CDH13: variants seen among roughly 807,000 people sequenced by gnomAD.
The protein encoded by CDH13 is cadherin-13.
A neutral mutation model predicts 63.8 loss-of-function variants in CDH13; 24 were observed. The ratio of observed to expected loss-of-function variants is 0.38; its 90% CI spans 0.27 to 0.53. The LOEUF (loss-of-function observed/expected upper bound fraction) is 0.53, where lower values mean the gene tolerates loss of function less well. Among genes scored for constraint, CDH13 ranks in the 20% least tolerant of loss-of-function variants. CDH13 has a pLI of 0.85. For missense variants in CDH13, 1,049 were observed against 903.1 expected, an observed-to-expected ratio of 1.16 and a Z score of -2.07; for synonymous variants, 503 against 355.3, an observed-to-expected ratio of 1.42 and a Z score of -4.67.
chr16:83,565,879 T>C (rs1904276706), intron 7 of CDH13, among the ~76,000 whole-genome samples: 1 of 152,252 alleles, frequency 6.6e-6, no homozygotes, highest in African/African-American at 2.4e-5. Flanking sequence ...TATTCTTTTC[T>C]GGCTTATGAC....
At chr16:83,689,302 C>G (rs776606374) in intron 10 of CDH13, among the ~76,000 whole-genome samples, 1 of 151,566 alleles carries the variant, frequency 6.6e-6, no homozygotes, top group Non-Finnish European at 1.5e-5. Flanking sequence ...TTTTAATAAA[C>G]CCATTTGAAA....
intron 8 of CDH13, among the ~76,000 whole-genome samples, chr16:83,616,551 C>A (rs1391113876): frequency 2.6e-5 from 4 of 152,062 alleles, no homozygotes; most frequent in African/African-American, 7.2e-5. Context: ...TCATCCACCT[C>A]CTTCTATTCA....
chr16:82,730,235 G>T (rs748958232), intron 1 of CDH13, among the ~76,000 whole-genome samples: 2 of 152,182 alleles, frequency 1.3e-5, no homozygotes, highest in Non-Finnish European at 2.9e-5. Flanking sequence ...CTTTTGGCCG[G>T]TCTTGGCTTT....
chr16:82,658,770 C>G (rs1567597644), intron 1 of CDH13, among the ~76,000 whole-genome samples: 1 of 152,208 alleles, frequency 6.6e-6, no homozygotes, highest in Non-Finnish European at 1.5e-5. Context: ...TCTTGTTTCT[C>G]TCTGTATTCT....
chr16:83,423,972 C>G (rs2071801120), intron 6 of CDH13, among the ~76,000 whole-genome samples: 1 of 152,250 alleles, frequency 6.6e-6, no homozygotes, highest in Admixed American at 6.5e-5. Flanking sequence ...TGAATAAGAA[C>G]TTCACCTGGG....
chr16:83,625,814 T>C (rs1910244719), intron 8 of CDH13, among the ~76,000 whole-genome samples: 1 of 152,046 alleles, frequency 6.6e-6, no homozygotes, highest in South Asian at 2.1e-4. Context: ...CCAAAGTCTG[T>C]GAATCCACAA....
chr16:82,695,304 T>G (rs554129089), intron 1 of CDH13, among the ~76,000 whole-genome samples: 2 of 152,208 alleles, frequency 1.3e-5, no homozygotes, highest in Admixed American at 6.5e-5. Flanking sequence ...TCAGATGTAA[T>G]ATAAATTATT....
chr16:83,329,824 G>A (rs1260582218), intron 5 of CDH13, among the ~76,000 whole-genome samples: 1 of 152,110 alleles, frequency 6.6e-6, no homozygotes, highest in East Asian at 1.9e-4. Context: ...ATGTCTTCAA[G>A]GTTCACTTAT....
At chr16:83,013,945 A>T (rs1914415076) in intron 2 of CDH13, among the ~76,000 whole-genome samples, 1 of 152,204 alleles carries the variant, frequency 6.6e-6, no homozygotes, top group Non-Finnish European at 1.5e-5. Context: ...AGAAAGAAAC[A>T]TCAGCCTCAT....
intron 4 of CDH13, among the ~76,000 whole-genome samples, chr16:83,212,356 T>C (rs2039362409): frequency 6.6e-6 from 1 of 152,168 alleles, no homozygotes; most frequent in Non-Finnish European, 1.5e-5. Flanking sequence ...TCAGAAGGGC[T>C]TGAGCTTCCT....
At chr16:82,714,747 C>T (rs141193827) in intron 1 of CDH13, among the ~76,000 whole-genome samples, 1,729 of 131,104 alleles carry the variant, frequency 0.013, 22 homozygotes, top group Middle Eastern at 0.062. Flanking sequence ...AAAGACACAA[C>T]GACACACAGA....
At chr16:83,757,336 G>C (rs1567575804) in intron 11 of CDH13, among the ~76,000 whole-genome samples, 1 of 152,158 alleles carries the variant, frequency 6.6e-6, no homozygotes, top group African/African-American at 2.4e-5. Flanking sequence ...CCAGAATTTT[G>C]GGAGGCTGAG....
chr16:82,879,695 T>C lies in CDH13; in HGVS notation c.157+21222T>C, dbSNP rs1689061945. 2.2e-5 allele frequency among the ~76,000 whole-genome samples: 3 copies of C among 138,818 alleles called. No individual in the cohort carries two copies. The South Asian group carries it at 6.5e-4, about 30-fold the overall frequency. The allele number at this position is 138,818 out of a possible 152,430, so 91.1% of individuals were successfully genotyped here. On this transcript the variant is annotated intron_variant, in intron 2 of 13. Transcript: ENST00000567109. Reference sequence around the variant, plus strand: ...ACATAAATTATAATATATAATAATATAACCAGTATGTTTCATTATATATAA... The same window carrying C: ...ACATAAATTATAATATATAATAATACAACCAGTATGTTTCATTATATATAA...
chr16:83,140,446 C>T (rs1330047928), intron 4 of CDH13, among the ~76,000 whole-genome samples: 2 of 152,270 alleles, frequency 1.3e-5, no homozygotes. Context: ...ACTTTCTCAT[C>T]TGATGTATCT....
intron 8 of CDH13, among the ~76,000 whole-genome samples, chr16:83,615,502 T>C (rs373396597): frequency 4.6e-5 from 7 of 152,238 alleles, no homozygotes; most frequent in South Asian, 4.1e-4. Flanking sequence ...ATTATAGTGA[T>C]ATATGTGAGG....
At chr16:83,685,404 T>A (rs981151956) in intron 10 of CDH13, among the ~76,000 whole-genome samples, 1 of 152,172 alleles carries the variant, frequency 6.6e-6, no homozygotes, top group Non-Finnish European at 1.5e-5. Context: ...TACTAGATAT[T>A]TGCATAATCA....
chr16:83,729,826 G>C (rs180747561), intron 10 of CDH13, among the ~76,000 whole-genome samples: 59 of 152,290 alleles, frequency 3.9e-4, no homozygotes, highest in African/African-American at 1.3e-3. Context: ...TCCCTTCCAA[G>C]GTATTTTCTC....
At chr16:83,046,747 C>T (rs997893521) in intron 3 of CDH13, among the ~76,000 whole-genome samples, 1 of 152,158 alleles carries the variant, frequency 6.6e-6, no homozygotes, top group Non-Finnish European at 1.5e-5. Flanking sequence ...AGAATGCCTC[C>T]TAGATAGTGA....
intron 5 of CDH13, among the ~76,000 whole-genome samples, chr16:83,223,983 C>A (rs145428722): frequency 6.6e-6 from 1 of 152,264 alleles, no homozygotes; most frequent in African/African-American, 2.4e-5. Flanking sequence ...ATTCCTCATT[C>A]CCTTCCCACT....
Sources: allele counts gnomAD v4.1 joint callset (sites outside exome capture counted in the v4.1 genomes callset), GRCh38; gene constraint gnomAD v4.1.1; transcripts MANE v1.5; gene names NCBI Gene and HGNC (gene_info 2026-07-23, HGNC 2026-07-21).